The following PARD3B variants were observed in gnomAD, a reference collection of about 807,000 sequenced individuals.
PARD3B encodes par-3 family cell polarity regulator beta.
PARD3B carries 103 observed loss-of-function variants against 130.2 expected under a neutral mutation model. The observed-to-expected ratio is 0.79, with a 90% CI of 0.67 to 0.93. PARD3B has a LOEUF of 0.93. PARD3B is among the 40% of genes least tolerant of loss of function. PARD3B has a pLI of 0.00. For missense variants in PARD3B, 1,609 were observed against 1,499.2 expected, an observed-to-expected ratio of 1.07 and a Z score of -1.21; for synonymous variants, 583 against 553.2, an observed-to-expected ratio of 1.05 and a Z score of -0.76.
rs1297624578 is a variant in PARD3B at position 205,279,291 on chromosome 2, A to G, written c.2186-21239A>G. Among the ~76,000 whole-genome samples, 2 of 152,136 alleles carry G rather than the reference A, an allele frequency of 1.3e-5. 1 individual carries two copies. Among genetic ancestry groups the G allele is most frequent in the South Asian group, 4.2e-4 (2 of 4,814 alleles). ...CCTCTGGATTTCCCAAAACATTGGG[A>G]CACTATAGCCTCTATCACCTACACA... On this transcript the variant is annotated intron_variant, in intron 16 of 22. Coordinates refer to ENST00000406610, the MANE Select transcript of PARD3B (RefSeq NM_001302769.2).
At chr2:205,257,242 A>G (rs2040127717) in intron 16 of PARD3B, among the ~76,000 whole-genome samples, 1 of 152,158 alleles carries the variant, frequency 6.6e-6, no homozygotes, top group Non-Finnish European at 1.5e-5. Context: ...TACCCCTACG[A>G]AACAGCTTAC....
chr2:205,350,062 GTTTC>G (rs1254877824), intron 18 of PARD3B, among the ~76,000 whole-genome samples: 1 of 151,994 alleles, frequency 6.6e-6, no homozygotes, highest in African/African-American at 2.4e-5. Context: ...ACATATGAAT[GTTTC>G]TTTAGTTAGA....
intron 18 of PARD3B, among the ~76,000 whole-genome samples, chr2:205,391,490 C>T (rs1559047506): frequency 1.3e-5 from 2 of 152,152 alleles, no homozygotes; most frequent in African/African-American, 4.8e-5. Flanking sequence ...AAAAGAAAAG[C>T]TTTTTTAACT....
At chr2:205,533,070 A>G (rs1046212026) in intron 21 of PARD3B, among the ~76,000 whole-genome samples, 1 of 152,230 alleles carries the variant, frequency 6.6e-6, no homozygotes, top group Non-Finnish European at 1.5e-5. Flanking sequence ...GATGAGTGTT[A>G]TAATAACACA....
In PARD3B at chr2:204,991,072, CT is replaced by C. The variant is rs201018710; in HGVS notation, c.394+25762del. On this transcript the variant is annotated intron_variant, in intron 3 of 22. Coordinates refer to ENST00000406610, the MANE Select transcript of PARD3B (RefSeq NM_001302769.2). ...GCTCTAAACTATTTCAGTTGTCATT[CT>C]TTTTTTTTTTTTATTATACTTATAT... 8.2e-3 allele frequency among the ~76,000 whole-genome samples: 1,195 copies of C among 145,194 alleles called. 28 individuals carry two copies. Among genetic ancestry groups the C allele is most frequent in the East Asian group, 0.076 (378 of 4,952 alleles).
chr2:204,624,152 TGAAAA>T (rs371458634), intron 1 of PARD3B, among the ~76,000 whole-genome samples: 3 of 152,146 alleles, frequency 2.0e-5, no homozygotes, highest in African/African-American at 4.8e-5. Flanking sequence ...ATAACTCAAT[TGAAAA>T]GAAAAGAAAT....
chr2:205,521,204 T>A (rs2051034432), intron 21 of PARD3B, among the ~76,000 whole-genome samples: 2 of 151,972 alleles, frequency 1.3e-5, no homozygotes, highest in African/African-American at 2.4e-5. Flanking sequence ...GTATTACCAA[T>A]TTGATGGCAA....
intron 1 of PARD3B, among the ~76,000 whole-genome samples, chr2:204,637,169 G>A (rs2034913623): frequency 6.6e-6 from 1 of 152,026 alleles, no homozygotes; most frequent in South Asian, 2.1e-4. Context: ...CTCAGAAACT[G>A]AAGAGGCTAC....
At chr2:204,871,958 G>C (rs1308223430) in intron 2 of PARD3B, among the ~76,000 whole-genome samples, 1 of 151,956 alleles carries the variant, frequency 6.6e-6, no homozygotes, top group Non-Finnish European at 1.5e-5. Context: ...CATTAAAATG[G>C]ACAGTCACAC....
At chr2:205,335,764 G>A (rs1461321779) in intron 18 of PARD3B, among the ~76,000 whole-genome samples, 2 of 152,148 alleles carry the variant, frequency 1.3e-5, no homozygotes, top group South Asian at 2.1e-4. Context: ...CAAAAAGAGA[G>A]AGCTTGTGCA....
intron 2 of PARD3B, among the ~76,000 whole-genome samples, chr2:204,763,464 T>A (rs530715286): frequency 6.6e-6 from 1 of 152,200 alleles, no homozygotes; most frequent in Non-Finnish European, 1.5e-5. Context: ...AGACTCAAAA[T>A]TCTTCAAAAT....
intron 2 of PARD3B, among the ~76,000 whole-genome samples, chr2:204,920,837 C>T (rs981213126): frequency 6.6e-6 from 1 of 152,162 alleles, no homozygotes; most frequent in African/African-American, 2.4e-5. Flanking sequence ...ACATTGGATC[C>T]ATGTCATCGT....
chr2:204,913,483 C>T (rs1161731507), intron 2 of PARD3B, among the ~76,000 whole-genome samples: 1 of 152,182 alleles, frequency 6.6e-6, no homozygotes, highest in Admixed American at 6.5e-5. Context: ...ACCGCTAGCA[C>T]TACAGGAAAC....
intron 1 of PARD3B, among the ~76,000 whole-genome samples, chr2:204,660,874 A>T (rs1574637315): frequency 6.6e-6 from 1 of 152,364 alleles, no homozygotes; most frequent in African/African-American, 2.4e-5. Context: ...GTATTAATGT[A>T]TAGAACATGC....
chr2:205,394,744 G>C (rs145323767), intron 18 of PARD3B, among the ~76,000 whole-genome samples: 1 of 152,130 alleles, frequency 6.6e-6, no homozygotes, highest in Admixed American at 6.6e-5. Flanking sequence ...AGACACAAAC[G>C]AATAAATTTT....
intron 10 of PARD3B, among the ~76,000 whole-genome samples, chr2:205,148,104 T>C (rs1429232038): frequency 6.6e-6 from 1 of 152,122 alleles, no homozygotes; most frequent in East Asian, 1.9e-4. Flanking sequence ...CTAGACTATA[T>C]AGTCCATATT....
At chr2:204,565,807 C>T (rs1183677776) in intron 1 of PARD3B, among the ~76,000 whole-genome samples, 1 of 152,150 alleles carries the variant, frequency 6.6e-6, no homozygotes, top group Admixed American at 6.5e-5. Flanking sequence ...CCAGTTAGTT[C>T]AGCCTGCAGC....
intron 2 of PARD3B, among the ~76,000 whole-genome samples, chr2:204,778,936 A>T (rs575787952): frequency 6.6e-6 from 1 of 152,240 alleles, no homozygotes; most frequent in South Asian, 2.1e-4. Flanking sequence ...AATCTTTACC[A>T]TGGCCTACAA....
intron 16 of PARD3B, among the ~76,000 whole-genome samples, chr2:205,298,478 G>C (rs1042258494): frequency 8.8e-6 from 1 of 113,924 alleles, no homozygotes; most frequent in Admixed American, 1.1e-4. Flanking sequence ...CCTGAAATTT[G>C]TCCCTGAAAT....
Sources: gnomAD v4.1 joint callset for allele counts (sites outside exome capture counted in the v4.1 genomes callset) on GRCh38, gnomAD v4.1.1 for gene constraint, MANE v1.5 for transcripts, NCBI Gene and HGNC (gene_info 2026-07-23, HGNC 2026-07-21) for gene names.